The following SYNJ2 variants were observed in gnomAD, a reference collection of about 807,000 sequenced individuals.
The protein encoded by SYNJ2 is polyphosphatidylinositol phosphatase SYNJ2.
SYNJ2 carries 116 observed loss-of-function variants against 141.3 expected under a neutral mutation model. The observed-to-expected ratio is 0.82, with a 90% CI of 0.71 to 0.96. SYNJ2 has a LOEUF of 0.96. Among genes scored for constraint, SYNJ2 ranks in the 40% least tolerant of loss-of-function variants. The pLI, the probability that SYNJ2 is intolerant of heterozygous loss-of-function variation, is 0.00. For synonymous variants in SYNJ2, 745 were observed against 777.7 expected (o/e 0.96, Z 0.70); for missense variants, 1,873 against 1,934.8 (o/e 0.97, Z 0.60).
At chr6:158,052,750 T>C (rs1033871590) in intron 5 of SYNJ2, among the ~76,000 whole-genome samples, 8 of 152,224 alleles carry the variant, frequency 5.3e-5, no homozygotes, top group Non-Finnish European at 1.2e-4. Flanking sequence ...CGTTTTAACG[T>C]GAGATTTGGA....
chr6:158,058,416 A>G (rs146973758), intron 6 of SYNJ2, among the ~76,000 whole-genome samples: 1 of 152,244 alleles, frequency 6.6e-6, no homozygotes, highest in Non-Finnish European at 1.5e-5. Context: ...ATATTTCAAC[A>G]TACATATTTA....
chr6:158,029,758 C>T (rs559475267), intron 3 of SYNJ2, among the ~76,000 whole-genome samples: 2 of 152,146 alleles, frequency 1.3e-5, no homozygotes, highest in African/African-American at 2.4e-5. Flanking sequence ...GCACTGTGTT[C>T]GGGTCACCGT....
intron 4 of SYNJ2, among the ~76,000 whole-genome samples, chr6:158,034,773 G>A (rs1779552545): frequency 6.6e-6 from 1 of 152,268 alleles, no homozygotes; most frequent in African/African-American, 2.4e-5. Context: ...TGTCTAGAAT[G>A]GTATTGCCTA....
intron 3 of SYNJ2, among the ~76,000 whole-genome samples, chr6:158,032,302 A>G (rs1420739537): frequency 6.6e-6 from 1 of 152,214 alleles, no homozygotes; most frequent in Non-Finnish European, 1.5e-5. Flanking sequence ...ATTTCCAGCA[A>G]TGAGAAAATG....
chr6:158,085,389 T>C (rs1377207540), intron 22 of SYNJ2, among the ~76,000 whole-genome samples: 1 of 152,120 alleles, frequency 6.6e-6, no homozygotes, highest in Non-Finnish European at 1.5e-5. Context: ...TAGTTCATAT[T>C]TCAGTGTCAG....
At position 158,070,039 on chromosome 6, in the gene SYNJ2, T is replaced by A; in HGVS notation, c.1940+366T>A. On this transcript the variant is annotated intron_variant, in intron 14 of 26. Coordinates refer to ENST00000355585, the MANE Select transcript of SYNJ2 (RefSeq NM_003898.4). The surrounding 1 kb of genome is among the most constrained non-coding windows in gnomAD (Gnocchi z 4.0). ...TCACTGGGAAATGCCAACTCTTTTG[T>A]CCCTTTTTAAAAGAATTCTAAGTAG... 2 of 685,480 alleles carry A rather than the reference T, an allele frequency of 2.9e-6. No individual in the cohort carries two copies. The highest frequency in any genetic ancestry group is 3.6e-6 in the Non-Finnish European group (2 of 551,290). 42.5% of individuals were successfully genotyped at this position (685,480 alleles called of 1,614,324 possible). A position where few individuals can be genotyped will look rare whatever the true frequency, so the allele number is the denominator to read the frequency against.
In SYNJ2 at chr6:158,033,565, A is replaced by G. The variant is rs1779484058; in HGVS notation, c.596A>G (p.Lys199Arg). 1 of 1,614,040 alleles carries G rather than the reference A, an allele frequency of 6.2e-7. No homozygotes were observed. Among genetic ancestry groups the G allele is most frequent in the Non-Finnish European group, 8.5e-7 (1 of 1,180,056 alleles). Reference sequence around the variant, plus strand: ...ATCCGCACCGTGTATGCCTCCCACAAGCAGGCCAAGGCCTGCCTCGTCTCT... The same window carrying G: ...ATCCGCACCGTGTATGCCTCCCACAGGCAGGCCAAGGCCTGCCTCGTCTCT... ...VTIRTVYASH[K>R]QAKACLVSRV... The change falls in exon 4 of 27, where the codon AAG becomes AGG. Residue 199 changes from lysine (K) to arginine (R), a missense_variant. By Grantham distance (26) the Lys-to-Arg change is conservative. Transcript: ENST00000355585.
At chr6:158,030,159 A>G (rs1316897424) in intron 3 of SYNJ2, among the ~76,000 whole-genome samples, 1 of 152,212 alleles carries the variant, frequency 6.6e-6, no homozygotes, top group Non-Finnish European at 1.5e-5. Flanking sequence ...CCCTGTAAAT[A>G]CATAAATTAT....
At position 158,066,475 on chromosome 6, in the gene SYNJ2, G is replaced by C. The variant is rs771397109; in HGVS notation, c.1557G>C (p.Glu519Asp). Residue 519 changes from glutamate (E) to aspartate (D), a missense_variant, in exon 12 of 27, where the codon GAG becomes GAC. Coordinates refer to ENST00000355585, the MANE Select transcript of SYNJ2 (RefSeq NM_003898.4). ...CCAGGATCCTGAAAGCTATGACTGAGCGTCAGTCCGAATTCACAAATTTCA... is the reference window on the plus strand; with the variant it reads ...CCAGGATCCTGAAAGCTATGACTGACCGTCAGTCCGAATTCACAAATTTCA... ...VTPRILKAMT[E>D]RQSEFTNFKR... The C allele has an allele frequency of 3.1e-6, 5 of 1,614,186 alleles. No homozygotes were observed. The South Asian group carries it at 5.5e-5, about 18-fold the overall frequency.
intron 7 of SYNJ2, 49 bp from the exon 8 acceptor site, chr6:158,061,943 G>A (rs376546878): frequency 7.1e-5 from 113 of 1,585,328 alleles, no homozygotes; most frequent in African/African-American, 6.8e-4. Context: ...TGCCCTCCTC[G>A]TCCTCCCTTC....
intron 4 of SYNJ2, among the ~76,000 whole-genome samples, chr6:158,036,530 C>T (rs1006270653): frequency 6.6e-6 from 1 of 152,172 alleles, no homozygotes; most frequent in Non-Finnish European, 1.5e-5. Flanking sequence ...AAACCAAACA[C>T]TGCATGTTCT....
At chr6:158,063,659 CAAA>C (rs71298907) in intron 8 of SYNJ2, 129 bp from the exon 9 acceptor site, 3,344 of 187,078 alleles carry the variant, frequency 0.018, no homozygotes, top group African/African-American at 0.028. Context: ...GACTCTGTCT[CAAA>C]AAAAAAAAAA....
In SYNJ2 at chr6:158,086,911, C is replaced by T. The variant is rs779638952; in HGVS notation, c.3265C>T (p.His1089Tyr). 3.1e-6 allele frequency: 5 copies of T among 1,609,680 alleles called. No individual in the cohort carries two copies. In the South Asian group the frequency reaches 3.3e-5, roughly 11 times the overall value. Residue 1089 changes from histidine to tyrosine, a missense_variant, in exon 23 of 27, where the codon CAC (histidine) becomes TAC (tyrosine). Coordinates refer to ENST00000355585, the MANE Select transcript of SYNJ2 (RefSeq NM_003898.4). Reference sequence around the variant, plus strand: ...GCTGGAAGCCGTCGGGGAGTTCCGCCACCGTTCTCCGAGCAGGTCTCTGTC... The same window carrying T: ...GCTGGAAGCCGTCGGGGAGTTCCGCTACCGTTCTCCGAGCAGGTCTCTGTC... The part of the protein sequence containing the change: ...RELEAVGEFR[H>Y]RSPSRSLSVP...
rs772794278 is a variant in SYNJ2, at chr6:158,093,084, A to G, written c.3724A>G (p.Thr1242Ala). The G allele has an allele frequency of 6.2e-7, 1 of 1,610,288 alleles. No homozygotes were observed. Among genetic ancestry groups the G allele is most frequent in the Non-Finnish European group, 8.5e-7 (1 of 1,179,068 alleles). Residue 1242 changes from threonine (T) to alanine (A), a missense_variant, in exon 26 of 27, where the codon ACC becomes GCC. Transcript: ENST00000355585. Reference sequence around the variant, plus strand: ...CAGAGTTCCTGCCATCAAGAAGCCAACCTTGAGAAGGACAGGAAAGGTAAA... The same window carrying G: ...CAGAGTTCCTGCCATCAAGAAGCCAGCCTTGAGAAGGACAGGAAAGGTAAA... ...PPRVPAIKKP[T>A]LRRTGKPLSP...
At chr6:158,080,025 T>G (rs995612266) in intron 18 of SYNJ2, among the ~76,000 whole-genome samples, 3 of 152,220 alleles carry the variant, frequency 2.0e-5, no homozygotes, top group Admixed American at 6.5e-5. Context: ...TTCTGGAAAT[T>G]TATAGAGTAA....
In SYNJ2 at chr6:158,071,686, C is replaced by T; in HGVS notation, c.2025C>T (p.His675=). 6.2e-7 allele frequency: 1 copy of T among 1,614,148 alleles called. No homozygotes were observed. The highest frequency in any genetic ancestry group is 8.5e-7 in the Non-Finnish European group (1 of 1,180,042). Reference sequence around the variant, plus strand: ...CCGTCGGCATCCGCTTCCAGTTCCACAGCACCAGCTTCTGCTTCATATGTA... The same window carrying T: ...CCGTCGGCATCCGCTTCCAGTTCCATAGCACCAGCTTCTGCTTCATATGTA... ...KGAVGIRFQF[H]STSFCFICSH... The change falls in exon 15 of 27, where the codon CAC becomes CAT. Residue 675 remains histidine, a synonymous_variant. Coordinates refer to ENST00000355585, the MANE Select transcript of SYNJ2 (RefSeq NM_003898.4). The surrounding 1 kb of genome is among the most constrained non-coding windows in gnomAD (Gnocchi z 4.3).
At chr6:158,094,160 T>C (rs1783652882) in intron 26 of SYNJ2, 1 of 609,394 alleles carries the variant, frequency 1.6e-6, no homozygotes, top group Admixed American at 2.6e-5. Context: ...CTGTCCCACA[T>C]TGGCTCATTG....
chr6:158,017,438 G>A, intron 2 of SYNJ2, 148 bp downstream of exon 2: 2 of 1,141,030 alleles, frequency 1.8e-6, no homozygotes, highest in Non-Finnish European at 2.3e-6. Context: ...CTCCGAGATA[G>A]AGTTTTGCTC....
At chr6:157,989,714 G>C (rs1292474176) in intron 1 of SYNJ2, among the ~76,000 whole-genome samples, 2 of 152,080 alleles carry the variant, frequency 1.3e-5, no homozygotes, top group Non-Finnish European at 2.9e-5. Flanking sequence ...CGGCCCCAAG[G>C]TGCTGAGGAA....
Sources: gnomAD v4.1 joint callset for allele counts (sites outside exome capture counted in the v4.1 genomes callset) on GRCh38, gnomAD v4.1.1 for gene constraint, Gnocchi (gnomAD v3.1) non-coding constraint, MANE v1.5 for transcripts, NCBI Gene and HGNC (gene_info 2026-07-23, HGNC 2026-07-21) for gene names.